Variants in CLIP1 observed in about 807,000 individuals in gnomAD.
CLIP1 encodes CAP-Gly domain-containing linker protein 1.
A neutral mutation model predicts 161.6 loss-of-function variants in CLIP1; 66 were observed. The ratio of observed to expected loss-of-function variants is 0.41; its 90% confidence interval spans 0.33 to 0.50. CLIP1 has a LOEUF of 0.50. Ranked by LOEUF, CLIP1 falls within the 20% of genes least tolerant of loss-of-function variation. The probability of loss-of-function intolerance (pLI) is 0.27; values close to 1 mark genes in which losing one functional copy is unlikely to be tolerated. For synonymous variants in CLIP1, 598 were observed against 626.2 expected, an observed-to-expected ratio of 0.96 and a Z score of 0.67; for missense variants, 1,376 against 1,702.0, an observed-to-expected ratio of 0.81 and a Z score of 3.37.
chr12:122,274,245 T>A, intron 24 of CLIP1, 83 bp from the exon 25 acceptor site: 1 of 1,255,416 alleles, frequency 8.0e-7, no homozygotes, highest in Non-Finnish European at 1.1e-6. Context: ...TTTATACCTT[T>A]AAGCTCTGGC....
chr12:122,337,456 A>G (rs371112970), intron 11 of CLIP1, among the ~76,000 whole-genome samples: 1 of 61,506 alleles, frequency 1.6e-5, no homozygotes. Context: ...AAAAAAAAAA[A>G]AAAAAGAAAG....
chr12:122,394,561 A>G (rs2137010968), intron 1 of CLIP1, among the ~76,000 whole-genome samples: 1 of 151,526 alleles, frequency 6.6e-6, no homozygotes, highest in East Asian at 1.9e-4. Context: ...ATACAGAAAC[A>G]CAGGGTTTTC....
At chr12:122,301,230 G>A (rs1950664460) in intron 20 of CLIP1, among the ~76,000 whole-genome samples, 1 of 152,182 alleles carries the variant, frequency 6.6e-6, no homozygotes, top group South Asian at 2.1e-4. Context: ...GGGTCTGTAC[G>A]TTAGGTAATA....
chr12:122,337,581 G>A (rs77842412), intron 11 of CLIP1, among the ~76,000 whole-genome samples: 11,310 of 152,136 alleles, frequency 0.074, 1,350 homozygotes, highest in African/African-American at 0.26. Flanking sequence ...GAGCCACTGT[G>A]CCCAGAGACT....
intron 20 of CLIP1, among the ~76,000 whole-genome samples, chr12:122,297,976 G>A (rs998926226): frequency 1.3e-5 from 2 of 152,126 alleles, no homozygotes; most frequent in African/African-American, 4.8e-5. Context: ...CCGAAAGACT[G>A]GCCATCTCCG....
At chr12:122,319,097 G>A (rs2136625173) in intron 18 of CLIP1, 135 bp downstream of exon 18, 3 of 631,574 alleles carry the variant, frequency 4.8e-6, no homozygotes, top group East Asian at 5.3e-5. Flanking sequence ...TAAGATTATC[G>A]TGGCTCTGGC....
intron 1 of CLIP1, among the ~76,000 whole-genome samples, chr12:122,422,306 A>G (rs1326050935): frequency 6.6e-6 from 1 of 151,414 alleles, no homozygotes; most frequent in Non-Finnish European, 1.5e-5. Flanking sequence ...CCAGCTCCGG[A>G]GGAGCCCCCC....
At chr12:122,302,706 TC>T (rs1331960715) in intron 20 of CLIP1, among the ~76,000 whole-genome samples, 2 of 151,938 alleles carry the variant, frequency 1.3e-5, no homozygotes, top group Non-Finnish European at 2.9e-5. Flanking sequence ...CAAGCTATTC[TC>T]CCATGTCAGT....
intron 1 of CLIP1, among the ~76,000 whole-genome samples, chr12:122,417,694 A>G (rs1838864810): frequency 6.6e-6 from 1 of 151,894 alleles, no homozygotes; most frequent in Admixed American, 6.6e-5. Context: ...TTGTATTTTT[A>G]GTAGAGACGG....
chr12:122,373,009 C>T (rs1044955133), intron 3 of CLIP1, among the ~76,000 whole-genome samples: 1 of 152,232 alleles, frequency 6.6e-6, no homozygotes, highest in East Asian at 1.9e-4. Context: ...TTAGGTGCAG[C>T]GTATACTGCT....
chr12:122,277,287 G>A (rs1378243035), intron 24 of CLIP1: 1 of 150,766 alleles, frequency 6.6e-6, no homozygotes, highest in Non-Finnish European at 1.5e-5. Flanking sequence ...TTTTAATTAA[G>A]TAATTGTTTT....
chr12:122,312,756 C>A (rs891869950), intron 19 of CLIP1, among the ~76,000 whole-genome samples: 1 of 152,082 alleles, frequency 6.6e-6, no homozygotes. Context: ...CAGAGTGACA[C>A]CCTGTCTCAA....
intron 1 of CLIP1, chr12:122,395,764 G>A (rs1160213847): frequency 1.3e-5 from 2 of 152,110 alleles, no homozygotes; most frequent in African/African-American, 4.8e-5. Context: ...TTTTTATTTT[G>A]GTTCGGTTCC....
At chr12:122,422,492 G>C (rs1956988577) in intron 1 of CLIP1, 29 bp downstream of exon 1, 1 of 151,868 alleles carries the variant, frequency 6.6e-6, no homozygotes, top group African/African-American at 2.4e-5. Flanking sequence ...GCCGGGAAAG[G>C]GAGAGGGCCC....
In CLIP1 at chr12:122,375,911, G is replaced by T. The variant is rs181909329; in HGVS notation, c.657+1478C>A. Among the ~76,000 whole-genome samples, 9 of 151,430 alleles carry T rather than the reference G, an allele frequency of 5.9e-5. No individual in the cohort carries two copies. The East Asian group carries it at 1.7e-3, about 29-fold the overall frequency. ...CAGGCTCAGCCTCCTGAGTAGCTGG[G>T]ACTACAGGCGTGAGACCCCATGTCC... On this transcript the variant is annotated intron_variant, in intron 3 of 25. Transcript: ENST00000620786.
At chr12:122,289,026 C>T (rs1447383374) in intron 20 of CLIP1, among the ~76,000 whole-genome samples, 1 of 150,880 alleles carries the variant, frequency 6.6e-6, no homozygotes, top group African/African-American at 2.4e-5. Flanking sequence ...CCGTCTTAGC[C>T]AGGATGGTCT....
chr12:122,373,802 C>T (rs1019619343), intron 3 of CLIP1, among the ~76,000 whole-genome samples: 1 of 152,044 alleles, frequency 6.6e-6, no homozygotes, highest in South Asian at 2.1e-4. Context: ...AATCTACAGT[C>T]TACAATCTAC....
At chr12:122,348,735 G>A (rs924686583) in intron 9 of CLIP1, among the ~76,000 whole-genome samples, 2 of 152,014 alleles carry the variant, frequency 1.3e-5, no homozygotes, top group African/African-American at 4.8e-5. Context: ...TGTCAGTTAC[G>A]TGCAGTAATT....
intron 20 of CLIP1, among the ~76,000 whole-genome samples, chr12:122,302,243 G>A (rs1950710202): frequency 6.6e-6 from 1 of 152,140 alleles, no homozygotes; most frequent in African/African-American, 2.4e-5. Context: ...AGGGATTACA[G>A]GCATGCGCCA....
Sources: gnomAD v4.1 joint callset for allele counts (sites outside exome capture counted in the v4.1 genomes callset) on GRCh38, gnomAD v4.1.1 for gene constraint, MANE v1.5 for transcripts, NCBI Gene and HGNC (gene_info 2026-07-23, HGNC 2026-07-21) for gene names.